The following PIK3C3 variants were observed in gnomAD, a reference collection of about 807,000 sequenced individuals.
The protein encoded by PIK3C3 is phosphatidylinositol 3-kinase catalytic subunit type 3.
PIK3C3 carries 95 observed loss-of-function variants against 126.1 expected under a neutral mutation model. The observed-to-expected ratio is 0.75, with a 90% CI of 0.64 to 0.89. The LOEUF (loss-of-function observed/expected upper bound fraction) is 0.89. Ranked by LOEUF, PIK3C3 falls within the 40% of genes least tolerant of loss-of-function variation. The pLI is 0.00. For synonymous variants in PIK3C3, 374 were observed against 360.0 expected, an observed-to-expected ratio of 1.04 and a Z score of -0.44; for missense variants, 829 against 1,063.2, an observed-to-expected ratio of 0.78 and a Z score of 3.06.
intron 20 of PIK3C3, among the ~76,000 whole-genome samples, chr18:42,046,450 G>A (rs998217242): frequency 6.6e-6 from 1 of 152,052 alleles, no homozygotes; most frequent in Admixed American, 6.5e-5. Context: ...TCTTTACTAA[G>A]TAAAGGGAAA....
At chr18:41,991,952 G>C (rs1011343333) in intron 6 of PIK3C3, among the ~76,000 whole-genome samples, 1 of 152,078 alleles carries the variant, frequency 6.6e-6, no homozygotes, top group Non-Finnish European at 1.5e-5. Context: ...TTCATTAAAG[G>C]CAGTATTTTC....
intron 12 of PIK3C3, among the ~76,000 whole-genome samples, chr18:42,020,102 A>G (rs984696776): frequency 3.3e-5 from 5 of 152,046 alleles, no homozygotes; most frequent in African/African-American, 9.7e-5. Context: ...AAATCACATC[A>G]TCTCACTCTC....
chr18:42,039,828 A>G (rs1193074894), intron 18 of PIK3C3, among the ~76,000 whole-genome samples: 1 of 152,292 alleles, frequency 6.6e-6, no homozygotes, highest in Admixed American at 6.5e-5. Flanking sequence ...TCAAACATCT[A>G]TTTTTACTTA....
chr18:41,999,937 T>C (rs559487976), intron 9 of PIK3C3, among the ~76,000 whole-genome samples: 6 of 152,228 alleles, frequency 3.9e-5, no homozygotes, highest in Admixed American at 3.9e-4. Flanking sequence ...GGTTATGAAA[T>C]AGAAAAGATG....
rs1986314364 is a variant in PIK3C3, at chr18:42,083,296, C to G, written c.*2159C>G. On this transcript the variant is annotated 3_prime_UTR_variant, in exon 25 of 25. Coordinates refer to ENST00000262039, the MANE Select transcript of PIK3C3 (RefSeq NM_002647.4). ...CATTGCCATGTGACTTCTTTGGTGA[C>G]AAGTTCAGTGATATTTCAAGCATGA... is the stretch of plus-strand genomic sequence containing the variant. 6.6e-6 allele frequency: 1 copy of G among 152,026 alleles called. No homozygotes were observed. The highest frequency in any genetic ancestry group is 1.5e-5 in the Non-Finnish European group (1 of 68,038). The allele number at this position is 152,026 out of a possible 1,614,324, so 9.4% of individuals were successfully genotyped here.
intron 9 of PIK3C3, among the ~76,000 whole-genome samples, chr18:42,001,037 T>C (rs1982262919): frequency 6.6e-6 from 1 of 152,156 alleles, no homozygotes; most frequent in Non-Finnish European, 1.5e-5. Flanking sequence ...TTTCTGAGAA[T>C]TTAGTTGGTA....
chr18:42,067,968 A>G (rs1192001897), intron 24 of PIK3C3, among the ~76,000 whole-genome samples: 1 of 152,232 alleles, frequency 6.6e-6, no homozygotes, highest in African/African-American at 2.4e-5. Context: ...TTACCCCTTT[A>G]TGGTAAACTT....
chr18:42,028,025 A>T (rs2144437087), intron 14 of PIK3C3, among the ~76,000 whole-genome samples: 1 of 152,348 alleles, frequency 6.6e-6, no homozygotes, highest in Non-Finnish European at 1.5e-5. Context: ...ATGTGAATTC[A>T]AATTTTAGTG....
intron 20 of PIK3C3, among the ~76,000 whole-genome samples, chr18:42,047,163 G>C (rs184855234): frequency 6.6e-6 from 1 of 152,250 alleles, no homozygotes; most frequent in Admixed American, 6.5e-5. Context: ...AAAGTAAATA[G>C]TGACAAAAAC....
chr18:41,991,723 G>C (rs373363344), intron 6 of PIK3C3, among the ~76,000 whole-genome samples: 1 of 151,840 alleles, frequency 6.6e-6, no homozygotes, highest in Non-Finnish European at 1.5e-5. Context: ...TCATATTTTT[G>C]TCTTTAACTC....
chr18:42,056,931 G>A (rs578084566), intron 21 of PIK3C3, among the ~76,000 whole-genome samples: 1 of 151,954 alleles, frequency 6.6e-6, no homozygotes, highest in African/African-American at 2.4e-5. Flanking sequence ...GGAATCTGGT[G>A]AAGTATATTG....
chr18:41,971,252 A>G (rs996042514), intron 4 of PIK3C3: 1 of 151,604 alleles, frequency 6.6e-6, no homozygotes, highest in African/African-American at 2.4e-5. Context: ...TTTTTTTGCA[A>G]TCTTATTAGT....
intron 4 of PIK3C3, among the ~76,000 whole-genome samples, chr18:41,977,500 A>AT (rs200563316): frequency 2.7e-3 from 400 of 146,328 alleles, no homozygotes; most frequent in African/African-American, 5.5e-3. Context: ...ATATATGTGT[A>AT]TTTTTTTTTT....
chr18:41,966,142 A>T (rs2144302595), intron 3 of PIK3C3, among the ~76,000 whole-genome samples: 1 of 148,794 alleles, frequency 6.7e-6, no homozygotes, highest in East Asian at 2.0e-4. Flanking sequence ...CACTTTTAGA[A>T]TTCCATTCAT....
At chr18:41,978,043 C>T (rs1266007665) in intron 4 of PIK3C3, among the ~76,000 whole-genome samples, 3 of 152,120 alleles carry the variant, frequency 2.0e-5, no homozygotes, top group African/African-American at 7.2e-5. Flanking sequence ...CTCACTGCAG[C>T]CTCAGTCTCC....
chr18:42,019,514 T>C (rs1280650261), intron 12 of PIK3C3, among the ~76,000 whole-genome samples: 1 of 152,100 alleles, frequency 6.6e-6, no homozygotes, highest in East Asian at 1.9e-4. Flanking sequence ...AAAAACTAAC[T>C]CTTCTCATGG....
At chr18:41,966,273 G>T (rs567187563) in intron 3 of PIK3C3, among the ~76,000 whole-genome samples, 2 of 146,566 alleles carry the variant, frequency 1.4e-5, no homozygotes, top group Non-Finnish European at 3.0e-5. Flanking sequence ...GGGTTCAAGC[G>T]ATTCTCCTGC....
chr18:41,968,101 TATCCTTAAATCTCTTCTCTAG>T (rs1980464597), intron 3 of PIK3C3, among the ~76,000 whole-genome samples: 2 of 152,196 alleles, frequency 1.3e-5, no homozygotes, highest in Non-Finnish European at 2.9e-5. Flanking sequence ...CCACGTCCCC[TATCCTTAAATCTCTTCTCTAG>T]ATCCATCCCA....
At chr18:42,071,365 A>C (rs1383539871) in intron 24 of PIK3C3, among the ~76,000 whole-genome samples, 1 of 152,190 alleles carries the variant, frequency 6.6e-6, no homozygotes, top group African/African-American at 2.4e-5. Context: ...CATTACTGTG[A>C]TAATACAAGT....
Sources: allele counts gnomAD v4.1 joint callset (sites outside exome capture counted in the v4.1 genomes callset), GRCh38; gene constraint gnomAD v4.1.1; transcripts MANE v1.5; gene names NCBI Gene and HGNC (gene_info 2026-07-23, HGNC 2026-07-21).